MTMR11: variants seen among roughly 807,000 people sequenced by gnomAD.
MTMR11 encodes the protein myotubularin related protein 11.
A neutral mutation model predicts 100.0 loss-of-function variants in MTMR11; 89 were observed. The observed-to-expected ratio is 0.89, with a 90% confidence interval of 0.75 to 1.06. MTMR11 has a LOEUF of 1.06. MTMR11 is among the 50% of genes least tolerant of loss of function. The probability of loss-of-function intolerance (pLI) is 0.00; values close to 1 mark genes in which losing one functional copy is unlikely to be tolerated. For missense variants in MTMR11, 809 were observed against 873.7 expected (o/e 0.93, Z 0.93); for synonymous variants, 336 against 326.3 (o/e 1.03, Z -0.32).
At chr1:149,929,373 G>T in intron 16 of MTMR11, 56 bp from the exon 17 acceptor site, 1 of 1,460,500 alleles carries the variant, frequency 6.8e-7, no homozygotes, top group Non-Finnish European at 9.5e-7. Context: ...CTGGCCCCCT[G>T]CTTCTCTGCT....
intron 12 of MTMR11, 64 bp from the exon 13 acceptor site, chr1:149,931,490 TGAGAA>T: frequency 6.9e-7 from 1 of 1,449,130 alleles, no homozygotes; most frequent in East Asian, 2.3e-5. Context: ...CAGAAGAGAA[TGAGAA>T]GAGAAATACG....
chr1:149,936,589 T>C lies in MTMR11; in HGVS notation c.59A>G (p.Glu20Gly). 1 of 1,533,248 alleles carries C rather than the reference T, an allele frequency of 6.5e-7. No homozygotes were observed. The allele number at this position is 1,533,248 out of a possible 1,614,324, so 95.0% of individuals were successfully genotyped here. The change falls in exon 1 of 17, where the codon GAG (glutamate) becomes GGG (glycine). Residue 20 changes from glutamate (E) to glycine (G), a missense_variant. Glu to Gly is a moderately conservative substitution (Grantham distance 98, BLOSUM62 -2). Transcript: ENST00000439741. The part of the protein sequence containing the change: ...FNIAPQKEEP[E>G]MGSVQENRMP... ...CAAATTCCTTCTCCTTACCCCCATC[T>C]CTGGCTCCTCCTTCTGGGGGGCAAT...
At chr1:149,930,740 G>A (rs2092647209) in intron 14 of MTMR11, 52 bp downstream of exon 14, 2 of 1,498,988 alleles carry the variant, frequency 1.3e-6, no homozygotes, top group African/African-American at 2.8e-5. Context: ...AAACTTCAGA[G>A]AGTACATCTC....
In MTMR11 at chr1:149,931,429, G is replaced by C. The variant is rs782726457; in HGVS notation, c.1124-3C>G. 3 of 1,580,064 alleles carry C rather than the reference G, an allele frequency of 1.9e-6. No individual in the cohort carries two copies. Among genetic ancestry groups the C allele is most frequent in the Non-Finnish European group, 2.6e-6 (3 of 1,163,702 alleles). On this transcript the variant is annotated splice_region_variant and splice_polypyrimidine_tract_variant and intron_variant, in intron 12 of 16. Coordinates refer to ENST00000439741, the MANE Select transcript of MTMR11 (RefSeq NM_001145862.2). ...ATTGAGATCACGATCACCGCGCTCT[G>C]GGTGATAAAGAGGAAGAAGGGACAA...
chr1:149,932,726 A>C (rs587735362), intron 10 of MTMR11, among the ~76,000 whole-genome samples: 6 of 152,154 alleles, frequency 3.9e-5, no homozygotes, highest in African/African-American at 1.4e-4. Flanking sequence ...TGGGTGGATC[A>C]TCTGAGGAGT....
chr1:149,933,660 G>C lies in MTMR11; in HGVS notation c.810C>G (p.Leu270=), dbSNP rs879960920. The C allele has an allele frequency of 3.7e-6, 6 of 1,614,092 alleles. No homozygotes were observed. Among genetic ancestry groups the C allele is most frequent in the Non-Finnish European group, 5.1e-6 (6 of 1,180,042 alleles). The change falls in exon 9 of 17, where the codon CTC becomes CTG. Residue 270 remains leucine, a synonymous_variant. Transcript: ENST00000439741. ...TGGCTGTATAGAAGCCTCCACAGCG[G>C]AGAAGATCACTGCCCCCAGGGTGAT... The part of the protein sequence containing the change: ...SWHHPGGSDL[L]RCGGFYTASD...
At chr1:149,933,031 C>T (rs1363582178) in intron 10 of MTMR11, among the ~76,000 whole-genome samples, 2 of 151,446 alleles carry the variant, frequency 1.3e-5, no homozygotes, top group African/African-American at 2.4e-5. Flanking sequence ...CTCAGTTCAC[C>T]CGCCTCCTGG....
Position 149,934,530 on chromosome 1 carries a change from C to T in MTMR11, c.469-4G>A. On this transcript the variant is annotated splice_polypyrimidine_tract_variant and splice_region_variant and intron_variant, in intron 5 of 16. Transcript: ENST00000439741. The stretch of plus-strand genomic sequence containing the variant: ...CTTGGACAATGGCCATGGTCACCTG[C>T]AGAGGAAAGGACATTCCATCCTTTT... 1 of 1,613,884 alleles carries T rather than the reference C, an allele frequency of 6.2e-7. No homozygotes were observed. Among genetic ancestry groups the T allele is most frequent in the Non-Finnish European group, 8.5e-7 (1 of 1,179,750 alleles).
rs1198484083 is a variant in MTMR11 at position 149,932,028 on chromosome 1, T to G, written c.1053-14A>C. 4 of 1,607,118 alleles carry G rather than the reference T, an allele frequency of 2.5e-6. No individual in the cohort carries two copies. Among genetic ancestry groups the G allele is most frequent in the Non-Finnish European group, 3.4e-6 (4 of 1,173,920 alleles). On this transcript the variant is annotated splice_polypyrimidine_tract_variant and intron_variant, in intron 11 of 16. Transcript: ENST00000439741. ...CGAAGACAAGCCCTGGAGGAGCAGG[T>G]GAGGAAGAGGGAGGAAGAATGATAA...
Position 149,933,596 on chromosome 1 carries a change from C to T in MTMR11, c.860+14G>A, listed in dbSNP as rs782313649. On this transcript the variant is annotated intron_variant, in intron 9 of 16. Transcript: ENST00000439741. ...GCACCTAACCCTTGATTCTTCTCAT[C>T]AAGCCTCCCTCACCTGATATCCTCC... is the stretch of plus-strand genomic sequence containing the variant. The T allele has an allele frequency of 3.1e-6, 5 of 1,614,060 alleles. No homozygotes were observed. The highest frequency in any genetic ancestry group is 3.3e-4 in the Middle Eastern group (2 of 6,084).
chr1:149,930,699 G>A, intron 14 of MTMR11, 93 bp downstream of exon 14: 1 of 1,407,234 alleles, frequency 7.1e-7, no homozygotes, highest in Non-Finnish European at 9.6e-7. Context: ...CCCACTCACA[G>A]ACCTCACTTC....
intron 13 of MTMR11, 28 bp from the exon 14 acceptor site, chr1:149,930,993 G>A (rs1553767491): frequency 7.0e-6 from 11 of 1,566,782 alleles, no homozygotes; most frequent in Non-Finnish European, 8.6e-6. Flanking sequence ...GGTTGGAAGG[G>A]ATTATTGGGA....
chr1:149,929,300 G>A lies in MTMR11; in HGVS notation c.1959C>T (p.Pro653=). Residue 653 remains proline, a synonymous_variant, in exon 17 of 17, where the codon CCC becomes CCT. Coordinates refer to ENST00000439741, the MANE Select transcript of MTMR11 (RefSeq NM_001145862.2). ...GCTCATCCTGGAGGCCAGAGATTGT[G>A]GGAGCTGAGAGGCCCATCTGGGGAG... The part of the protein sequence containing the change: ...RPEVQMGLSA[P]TISGLQDELS... 6.2e-7 allele frequency: 1 copy of A among 1,614,024 alleles called. No individual in the cohort carries two copies. The highest frequency in any genetic ancestry group is 8.5e-7 in the Non-Finnish European group (1 of 1,179,932).
chr1:149,934,935 G>C, intron 5 of MTMR11, 51 bp downstream of exon 5: 2 of 1,585,900 alleles, frequency 1.3e-6, no homozygotes, highest in African/African-American at 1.4e-5. Flanking sequence ...TCAGGGAGAG[G>C]ATCCCAAGGT....
chr1:149,932,939 A>C (rs1553768026), intron 10 of MTMR11, among the ~76,000 whole-genome samples: 1 of 142,990 alleles, frequency 7.0e-6, no homozygotes, highest in Non-Finnish European at 1.5e-5. Context: ...CCACAGAGGG[A>C]GACTCCGTCT....
intron 11 of MTMR11, 40 bp downstream of exon 11, chr1:149,932,224 G>T (rs1196886982): frequency 1.9e-6 from 3 of 1,595,262 alleles, no homozygotes; most frequent in East Asian, 2.2e-5. Context: ...GTTGAGGAAG[G>T]TTGAATTATA....
rs191500083 is a variant in MTMR11 at position 149,932,684 on chromosome 1, G to A, written c.986-354C>T. ...TCACTGGCCGGGCACGACGGCTTGTGCCTGTAATCCCAGCGCTTTAGGAGG... is the reference window on the plus strand; with the variant it reads ...TCACTGGCCGGGCACGACGGCTTGTACCTGTAATCCCAGCGCTTTAGGAGG... On this transcript the variant is annotated intron_variant, in intron 10 of 16. Transcript: ENST00000439741. 1.9e-3 allele frequency among the ~76,000 whole-genome samples: 290 copies of A among 152,220 alleles called. 2 individuals carry two copies. The highest frequency in any genetic ancestry group is 6.7e-3 in the African/African-American group (279 of 41,546).
At chr1:149,935,515 T>C (rs1553768928) in intron 3 of MTMR11, 69 bp downstream of exon 3, 3 of 1,595,162 alleles carry the variant, frequency 1.9e-6, no homozygotes, top group Non-Finnish European at 2.6e-6. Context: ...ATAATGTTTG[T>C]CTAAATCCTG....
Position 149,929,071 on chromosome 1 carries a change from G to A in MTMR11, c.*58C>T. On this transcript the variant is annotated 3_prime_UTR_variant, in exon 17 of 17. Coordinates refer to ENST00000439741, the MANE Select transcript of MTMR11 (RefSeq NM_001145862.2). ...TGAACTTAAGGGCTGAAGTGTGAAA[G>A]CTGAGGCTGCAAGTGCAGATACAAA... 6 of 1,567,138 alleles carry A rather than the reference G, an allele frequency of 3.8e-6. No homozygotes were observed. The highest frequency in any genetic ancestry group is 5.2e-6 in the Non-Finnish European group (6 of 1,159,112).
Sources: allele counts gnomAD v4.1 joint callset (sites outside exome capture counted in the v4.1 genomes callset), GRCh38; gene constraint gnomAD v4.1.1; transcripts MANE v1.5; gene names NCBI Gene and HGNC (gene_info 2026-07-23, HGNC 2026-07-21).